The following NAV3 variants were observed in gnomAD, a reference collection of about 807,000 sequenced individuals.
NAV3 encodes neuron navigator 3.
In NAV3, 87 loss-of-function variants were observed where a neutral mutation model predicts 244.7. The observed-to-expected ratio is 0.36, with a 90% CI of 0.30 to 0.42. NAV3 has a LOEUF of 0.42. NAV3 is among the 20% of genes least tolerant of loss of function. NAV3 has a pLI of 1.00. For synonymous variants in NAV3, 1,126 were observed against 1,042.2 expected (o/e 1.08, Z -1.55); for missense variants, 2,663 against 2,893.3 (o/e 0.92, Z 1.83).
intron 2 of NAV3, among the ~76,000 whole-genome samples, chr12:77,696,201 T>G (rs1875289206): frequency 6.6e-6 from 1 of 152,186 alleles, no homozygotes; most frequent in Admixed American, 6.5e-5. Flanking sequence ...TCCTTGAGTG[T>G]ATGCTGTCCT....
chr12:77,797,069 A>G (rs935363231), intron 2 of NAV3, among the ~76,000 whole-genome samples: 6 of 152,216 alleles, frequency 3.9e-5, no homozygotes, highest in Non-Finnish European at 8.8e-5. Flanking sequence ...GGTAAAAATT[A>G]TAGTCCACTT....
At chr12:77,736,912 C>T (rs933639225) in intron 2 of NAV3, among the ~76,000 whole-genome samples, 4 of 151,992 alleles carry the variant, frequency 2.6e-5, no homozygotes, top group Admixed American at 6.6e-5. Flanking sequence ...CAGAACAAGA[C>T]GAGAGACAAT....
intron 1 of NAV3, among the ~76,000 whole-genome samples, chr12:77,850,939 G>C (rs951320897): frequency 6.6e-5 from 10 of 152,158 alleles, no homozygotes; most frequent in African/African-American, 2.4e-4. Flanking sequence ...CTGTCCTGAT[G>C]CCAGCTCTCT....
At chr12:77,906,326 A>G (rs1045264918) in intron 1 of NAV3, among the ~76,000 whole-genome samples, 6 of 152,092 alleles carry the variant, frequency 3.9e-5, no homozygotes, top group African/African-American at 1.2e-4. Flanking sequence ...TTTCCAATTA[A>G]TTTCCAATTA....
chr12:78,176,388 A>G, intron 25 of NAV3, 51 bp from the exon 26 acceptor site: 1 of 1,581,112 alleles, frequency 6.3e-7, no homozygotes, highest in Admixed American at 1.7e-5. Flanking sequence ...AATACTGATC[A>G]GCCTTCATTC....
chr12:77,825,539 A>G (rs986442658), intron 2 of NAV3, among the ~76,000 whole-genome samples: 3 of 152,188 alleles, frequency 2.0e-5, no homozygotes, highest in Non-Finnish European at 4.4e-5. Context: ...TAAATCCTAG[A>G]GGAAACAGAA....
At chr12:77,979,773 A>G (rs1869219584) in intron 5 of NAV3, among the ~76,000 whole-genome samples, 1 of 150,660 alleles carries the variant, frequency 6.6e-6, no homozygotes, top group East Asian at 1.9e-4. Flanking sequence ...ACGCTCACCC[A>G]TCAGAGATGT....
rs1434480254 is a variant in NAV3, at chr12:77,818,605, A to G, written c.73-121714A>G. 3.9e-5 allele frequency among the ~76,000 whole-genome samples: 6 copies of G among 152,234 alleles called. No homozygotes were observed. The East Asian group carries it at 1.2e-3, about 29-fold the overall frequency. On this transcript the variant is annotated intron_variant, in intron 2 of 8. Coordinates refer to the NAV3 transcript ENST00000550042. ...TGATTGCTAACATACTTTGCTTTCA[A>G]TGACCTCATGTAAATGTTAGGGAAG...
intron 2 of NAV3, among the ~76,000 whole-genome samples, chr12:77,753,908 G>C (rs1345598265): frequency 6.6e-6 from 1 of 152,100 alleles, no homozygotes; most frequent in South Asian, 2.1e-4. Context: ...GGTTTACTAA[G>C]AAAGATTTAA....
chr12:78,117,160 TATA>T lies in NAV3; in HGVS notation c.2769+257_2769+259del, dbSNP rs1955429055. ...CAATTTTGAATAAACAGAAGCAGCA[TATA>T]TATATATATATATATATATATATAT... On this transcript the variant is annotated intron_variant, in intron 13 of 39. Transcript: ENST00000397909. Among the ~76,000 whole-genome samples the T allele has an allele frequency of 3.6e-3, 393 of 108,776 alleles. 20 individuals are homozygous for T. The highest frequency in any genetic ancestry group is 5.5e-3 in the South Asian group (20 of 3,612). The allele number at this position is 108,776 out of a possible 152,430, so 71.4% of individuals were successfully genotyped here. A position where few individuals can be genotyped will look rare whatever the true frequency, so the allele number is the denominator to read the frequency against.
chr12:78,184,398 GTT>G (rs773018122), intron 30 of NAV3, among the ~76,000 whole-genome samples: 7 of 151,744 alleles, frequency 4.6e-5, no homozygotes, highest in Non-Finnish European at 1.0e-4. Context: ...TTAAGGAAGA[GTT>G]TTATTTTTGA....
At chr12:78,073,751 A>G (rs950521673) in intron 12 of NAV3, among the ~76,000 whole-genome samples, 7 of 152,118 alleles carry the variant, frequency 4.6e-5, no homozygotes, top group Admixed American at 1.3e-4. Flanking sequence ...TAAGCCAAAA[A>G]AACAAAGCTG....
chr12:77,884,280 T>C (rs1871328), intron 1 of NAV3, among the ~76,000 whole-genome samples: 115,530 of 152,012 alleles, frequency 0.76, 44,029 homozygotes, highest in Admixed American at 0.79. Flanking sequence ...GATTGATTGA[T>C]TGACAGATAG....
At position 78,212,186 on chromosome 12, in the gene NAV3, A is replaced by T. The variant is rs1017463592; in HGVS notation, c.*1669A>T. On this transcript the variant is annotated 3_prime_UTR_variant, in exon 40 of 40. Coordinates refer to ENST00000397909, the MANE Select transcript of NAV3 (RefSeq NM_001024383.2). ...AAAACTGTCTGAAAGTACATCTGTCATGGCAGGCTTTAAAGAGAGTGCATG... is the reference window on the plus strand; with the variant it reads ...AAAACTGTCTGAAAGTACATCTGTCTTGGCAGGCTTTAAAGAGAGTGCATG... 1 of 152,634 alleles carries T rather than the reference A, an allele frequency of 6.6e-6. No homozygotes were observed. Among genetic ancestry groups the T allele is most frequent in the Non-Finnish European group, 1.5e-5 (1 of 68,048 alleles). 9.5% of individuals were successfully genotyped at this position (152,634 alleles called of 1,614,324 possible). A position where few individuals can be genotyped will look rare whatever the true frequency, so the allele number is the denominator to read the frequency against.
intron 9 of NAV3, among the ~76,000 whole-genome samples, chr12:78,042,437 C>T (rs1036632637): frequency 3.9e-5 from 6 of 152,186 alleles, no homozygotes; most frequent in Non-Finnish European, 8.8e-5. Context: ...TAAAACCATT[C>T]AATGTTTGTC....
chr12:77,589,787 C>T (rs1007362507), intron 2 of NAV3, among the ~76,000 whole-genome samples: 4 of 152,200 alleles, frequency 2.6e-5, no homozygotes, highest in African/African-American at 9.6e-5. Context: ...CTTAAATTGA[C>T]TCTGAATTTG....
intron 2 of NAV3, among the ~76,000 whole-genome samples, chr12:77,624,565 G>A (rs1871529540): frequency 6.6e-6 from 1 of 151,862 alleles, no homozygotes; most frequent in Non-Finnish European, 1.5e-5. Flanking sequence ...TGATGAGGTT[G>A]GACTTGGACC....
intron 1 of NAV3, among the ~76,000 whole-genome samples, chr12:77,916,381 A>G (rs1183522266): frequency 6.6e-6 from 1 of 152,028 alleles, no homozygotes; most frequent in Admixed American, 6.6e-5. Flanking sequence ...TGGTTGTACT[A>G]CATGTAGTCC....
chr12:78,061,668 A>T (rs1884345651), intron 12 of NAV3, among the ~76,000 whole-genome samples: 1 of 152,090 alleles, frequency 6.6e-6, no homozygotes, highest in Admixed American at 6.6e-5. Flanking sequence ...ATGGTCTTAA[A>T]TGTTGTAGTT....
Sources: gnomAD v4.1 joint callset for allele counts (sites outside exome capture counted in the v4.1 genomes callset) on GRCh38, gnomAD v4.1.1 for gene constraint, MANE v1.5 for transcripts, NCBI Gene and HGNC (gene_info 2026-07-23, HGNC 2026-07-21) for gene names.